OTOP1: variants seen among roughly 807,000 people sequenced by gnomAD.
OTOP1 encodes the protein otopetrin 1, also known as proton channel OTOP1.
OTOP1 carries 59 observed loss-of-function variants against 52.9 expected under a neutral mutation model. The observed-to-expected ratio is 1.12, with a 90% confidence interval of 0.91 to 1.39. The LOEUF (loss-of-function observed/expected upper bound fraction) is 1.39, where lower values mean the gene tolerates loss of function less well. Among genes scored for constraint, OTOP1 ranks in the 40% most tolerant of loss-of-function variants. The pLI is 0.00. For synonymous variants in OTOP1, 317 were observed against 337.7 expected (o/e 0.94, Z 0.67); for missense variants, 761 against 800.9 (o/e 0.95, Z 0.60).
At chr4:4,191,561 G>A (rs1197067728) in intron 5 of OTOP1, among the ~76,000 whole-genome samples, 3 of 152,208 alleles carry the variant, frequency 2.0e-5, no homozygotes, top group Admixed American at 6.5e-5. Context: ...CACTCCCACC[G>A]GGGGTTTTAT....
At chr4:4,207,602 T>C (rs1274289802) in intron 2 of OTOP1, among the ~76,000 whole-genome samples, 3 of 151,318 alleles carry the variant, frequency 2.0e-5, no homozygotes, top group East Asian at 1.9e-4. Flanking sequence ...TGGGTATATA[T>C]ATATATATAT....
chr4:4,216,976 G>A lies in OTOP1; in HGVS notation c.404-3972C>T, dbSNP rs1186704122. On this transcript the variant is annotated intron_variant, in intron 1 of 5. Transcript: ENST00000296358. The stretch of plus-strand genomic sequence containing the variant: ...AGTTTCTGATTCAGCAGGTGTGGAC[G>A]GGGCCCCAAAATTTGCATCTCTAAC... Among the ~76,000 whole-genome samples the A allele has an allele frequency of 5.3e-5, 8 of 152,294 alleles. No homozygotes were observed. The East Asian group carries it at 1.2e-3, about 22-fold the overall frequency.
At chr4:4,200,723 C>CTTT (rs55863617) in intron 4 of OTOP1, among the ~76,000 whole-genome samples, 14,757 of 106,358 alleles carry the variant, frequency 0.14, 2,080 homozygotes, top group African/African-American at 0.28. Context: ...GCATGCCTGC[C>CTTT]TTTTTTTTTT....
chr4:4,202,563 G>C lies in OTOP1; in HGVS notation c.615C>G (p.His205Gln), dbSNP rs772385004. 7 of 1,614,030 alleles carry C rather than the reference G, an allele frequency of 4.3e-6. No homozygotes were observed. The South Asian group carries it at 7.7e-5, about 18-fold the overall frequency. Residue 205 changes from histidine (H) to glutamine (Q), a missense_variant, in exon 4 of 6, where the codon CAC (histidine) becomes CAG (glutamine). Physicochemically the swap from His to Gln is conservative, Grantham distance 24 (BLOSUM62 0). This residue lies in a region of OTOP1 where 632 missense variants were observed against 619.5 expected (regional missense o/e 1.02). Coordinates refer to ENST00000296358, the MANE Select transcript of OTOP1 (RefSeq NM_177998.3). ...ACAGAAGCAGGTTGGTGAACACCGA[G>C]TGGATCACTCCAAACCTGAAAAACA... ...FKTLERFGVI[H>Q]SVFTNLLLWA...
intron 2 of OTOP1, among the ~76,000 whole-genome samples, chr4:4,209,891 C>A (rs1355452495): frequency 6.6e-6 from 1 of 152,116 alleles, no homozygotes. Flanking sequence ...GACTGCACAT[C>A]CCAAAGACAC....
chr4:4,219,857 G>T (rs1382218740), intron 1 of OTOP1, among the ~76,000 whole-genome samples: 2 of 143,494 alleles, frequency 1.4e-5, no homozygotes, highest in African/African-American at 2.6e-5. Flanking sequence ...ACATATACAT[G>T]TATATATGTA....
At chr4:4,198,248 A>T (rs1716697921) in intron 4 of OTOP1, 145 bp from the exon 5 acceptor site, 1 of 667,232 alleles carries the variant, frequency 1.5e-6, no homozygotes, top group East Asian at 2.7e-5. Flanking sequence ...GCTTATTATC[A>T]CGTTTAATAT....
chr4:4,225,392 G>A (rs561120026), intron 1 of OTOP1, among the ~76,000 whole-genome samples: 3 of 152,078 alleles, frequency 2.0e-5, no homozygotes, highest in Non-Finnish European at 4.4e-5. Context: ...ACACAACGAG[G>A]CCCTATCTGT....
rs371382239 is a variant in OTOP1 at position 4,200,444 on chromosome 4, C to A, written c.730+2004G>T. Among the ~76,000 whole-genome samples, 53 of 149,784 alleles carry A rather than the reference C, an allele frequency of 3.5e-4. No homozygotes were observed. The South Asian group carries it at 8.1e-3, about 23-fold the overall frequency. The stretch of plus-strand genomic sequence containing the variant: ...TGATCCGAGACCATGCCACTGCACT[C>A]CAGCCTGGGCGACGAGCGAGACTCC... On this transcript the variant is annotated intron_variant, in intron 4 of 5. Transcript: ENST00000296358.
chr4:4,223,580 G>A (rs1353348402), intron 1 of OTOP1, among the ~76,000 whole-genome samples: 1 of 151,986 alleles, frequency 6.6e-6, no homozygotes, highest in Non-Finnish European at 1.5e-5. Context: ...AGGAGGAGCA[G>A]AAGGAGAAGG....
intron 1 of OTOP1, among the ~76,000 whole-genome samples, chr4:4,219,653 T>C (rs574486556): frequency 6.4e-4 from 95 of 147,826 alleles, no homozygotes; most frequent in Non-Finnish European, 1.3e-3. Flanking sequence ...GCCAAGATCG[T>C]GCCACTGCAC....
intron 3 of OTOP1, among the ~76,000 whole-genome samples, chr4:4,205,472 G>C (rs766405718): frequency 6.6e-6 from 1 of 152,142 alleles, no homozygotes; most frequent in Non-Finnish European, 1.5e-5. Flanking sequence ...GTTCTTACTG[G>C]GGACAGCTCT....
rs1716672577 is a variant in OTOP1, at chr4:4,197,633, A to G, written c.1201T>C (p.Ser401Pro). The change falls in exon 5 of 6, where the codon TCC becomes CCC. Residue 401 changes from serine to proline, a missense_variant. Physicochemically the swap from Ser to Pro is moderately conservative, Grantham distance 74. Around this residue, in one of 3 missense-constraint regions of OTOP1, gnomAD observed 632 missense variants for 619.5 expected, o/e 1.02. Transcript: ENST00000296358. ...SDLLVGTASG[S>P]WLISWGSILA... is the part of the protein sequence containing the mutation. The stretch of plus-strand genomic sequence containing the variant: ...ATTGAGCCCCAGGAGATAAGCCAGG[A>G]GCCCGAGGCAGTGCCCACCAAGAGG... 1 of 1,613,680 alleles carries G rather than the reference A, an allele frequency of 6.2e-7. No individual in the cohort carries two copies. The highest frequency in any genetic ancestry group is 8.5e-7 in the Non-Finnish European group (1 of 1,179,964).
intron 2 of OTOP1, among the ~76,000 whole-genome samples, chr4:4,208,036 G>A (rs1444413532): frequency 1.3e-5 from 2 of 152,146 alleles, no homozygotes; most frequent in African/African-American, 4.8e-5. Flanking sequence ...CTAGCTCAGC[G>A]AACCTGCATT....
At chr4:4,223,578 C>CAGAAGG (rs929318699) in intron 1 of OTOP1, among the ~76,000 whole-genome samples, 1 of 151,968 alleles carries the variant, frequency 6.6e-6, no homozygotes, top group South Asian at 2.1e-4. Flanking sequence ...GAAGGAGGAG[C>CAGAAGG]AGAAGGAGAA....
chr4:4,189,807 G>C (rs1438022933), intron 5 of OTOP1, among the ~76,000 whole-genome samples: 1 of 152,194 alleles, frequency 6.6e-6, no homozygotes, highest in African/African-American at 2.4e-5. Flanking sequence ...CAGACCCTCA[G>C]TCCAACAAGC....
At chr4:4,225,066 G>A (rs1299631381) in intron 1 of OTOP1, among the ~76,000 whole-genome samples, 6 of 152,214 alleles carry the variant, frequency 3.9e-5, no homozygotes, top group Admixed American at 3.9e-4. Flanking sequence ...GGTCATGCAT[G>A]CAAGGAACAC....
chr4:4,203,453 G>A (rs560564377), intron 3 of OTOP1, among the ~76,000 whole-genome samples: 3 of 152,324 alleles, frequency 2.0e-5, no homozygotes, highest in South Asian at 2.1e-4. Flanking sequence ...TTGCAGAGTC[G>A]GTAAGGAGCA....
intron 5 of OTOP1, among the ~76,000 whole-genome samples, chr4:4,191,168 C>T (rs1348495814): frequency 6.6e-6 from 1 of 152,130 alleles, no homozygotes; most frequent in Non-Finnish European, 1.5e-5. Context: ...ACTCTCATAA[C>T]CATGCCCCCT....
Sources: allele counts gnomAD v4.1 joint callset (sites outside exome capture counted in the v4.1 genomes callset), GRCh38; gene constraint gnomAD v4.1.1; regional missense constraint gnomAD v4.1.1; transcripts MANE v1.5; gene names NCBI Gene and HGNC (gene_info 2026-07-23, HGNC 2026-07-21).